Variants in BRAF observed in about 807,000 individuals in gnomAD.
The protein encoded by BRAF is B-Raf proto-oncogene, serine/threonine kinase.
A neutral mutation model predicts 104.6 loss-of-function variants in BRAF; 16 were observed. The ratio of observed to expected loss-of-function variants is 0.15; its 90% CI spans 0.10 to 0.23. The LOEUF is 0.23. Among genes scored for constraint, BRAF ranks in the 10% least tolerant of loss-of-function variants. BRAF has a pLI of 1.00. For synonymous variants in BRAF, 310 were observed against 341.6 expected (o/e 0.91, Z 1.02); for missense variants, 541 against 937.3 (o/e 0.58, Z 5.52).
chr7:140,871,836 G>A (rs1290981165), intron 1 of BRAF, among the ~76,000 whole-genome samples: 2 of 152,120 alleles, frequency 1.3e-5, no homozygotes, highest in East Asian at 1.9e-4. Context: ...TGCAGCTACT[G>A]GCTAATATAC....
In BRAF at chr7:140,749,199, G is replaced by A. The variant is rs555735938; in HGVS notation, c.2112+88C>T. On this transcript the variant is annotated intron_variant, in intron 17 of 19. Coordinates refer to ENST00000644969, the MANE Select transcript of BRAF (RefSeq NM_001374258.1). ...AAAAATCAAGAAATCTATCCTTCAC[G>A]CTTACCCAGGAGTTAACACTTATTT... The A allele has an allele frequency of 3.5e-5, 54 of 1,558,000 alleles. 1 individual carries two copies. In the East Asian group the frequency reaches 1.0e-3, roughly 29 times the overall value.
intron 17 of BRAF, 198 bp downstream of exon 16, chr7:140,749,089 A>G: frequency 3.4e-6 from 2 of 580,360 alleles, no homozygotes; most frequent in South Asian, 2.1e-5. Context: ...CCATTGTAAC[A>G]TTCATGACTG....
At chr7:140,846,143 C>T (rs932431924) in intron 2 of BRAF, among the ~76,000 whole-genome samples, 4 of 152,158 alleles carry the variant, frequency 2.6e-5, no homozygotes, top group Admixed American at 2.6e-4. Flanking sequence ...TGTGATCCTG[C>T]AATTCTACTC....
chr7:140,729,983 T>C (rs1178348541), intron 19 of BRAF, among the ~76,000 whole-genome samples: 3 of 152,170 alleles, frequency 2.0e-5, no homozygotes, highest in Non-Finnish European at 4.4e-5. Context: ...GCAGTCCTTT[T>C]TATAGTCATA....
intron 10 of BRAF, chr7:140,783,397 T>C (rs1198324145): frequency 2.5e-5 from 10 of 397,452 alleles, no homozygotes; most frequent in Non-Finnish European, 4.5e-5. Flanking sequence ...CATAGACACA[T>C]ACTTTATTTA....
intron 1 of BRAF, among the ~76,000 whole-genome samples, chr7:140,873,256 T>C (rs1228928125): frequency 6.7e-6 from 1 of 148,220 alleles, no homozygotes; most frequent in Admixed American, 6.9e-5. Context: ...CTGCAACCTC[T>C]GCCTCCCAGA....
chr7:140,781,108 T>C (rs989346192), intron 12 of BRAF: 7 of 164,946 alleles, frequency 4.2e-5, no homozygotes, highest in African/African-American at 1.4e-4. Flanking sequence ...AATTTTTGTA[T>C]TTTTAGTAGA....
At chr7:140,894,524 G>A (rs1814656032) in intron 1 of BRAF, among the ~76,000 whole-genome samples, 1 of 152,078 alleles carries the variant, frequency 6.6e-6, no homozygotes, top group African/African-American at 2.4e-5. Context: ...GGAGGTATAA[G>A]TGTACTGATT....
intron 8 of BRAF, among the ~76,000 whole-genome samples, chr7:140,793,133 G>C (rs756682471): frequency 9.9e-5 from 15 of 152,166 alleles, no homozygotes; most frequent in Non-Finnish European, 2.1e-4. Context: ...GAAAAGGCAA[G>C]ATACAAAGAT....
Position 140,724,969 on chromosome 7 carries a change from G to C in BRAF, c.*1525C>G, listed in dbSNP as rs1212779749. On this transcript the variant is annotated 3_prime_UTR_variant, in exon 20 of 20. Transcript: ENST00000644969. The stretch of plus-strand genomic sequence containing the variant: ...TCCATTTGTGCAAAGATAAGATTTA[G>C]GTTCTTAATGAATGCCAGTTCTTTC... The C allele has an allele frequency of 1.9e-6, 2 of 1,043,688 alleles. No individual in the cohort carries two copies. The highest frequency in any genetic ancestry group is 1.7e-5 in the African/African-American group (1 of 59,870). 64.7% of individuals were successfully genotyped at this position (1,043,688 alleles called of 1,614,324 possible).
chr7:140,779,346 C>A (rs1190200611), intron 12 of BRAF, among the ~76,000 whole-genome samples: 2 of 152,152 alleles, frequency 1.3e-5, no homozygotes, highest in Non-Finnish European at 2.9e-5. Context: ...AAGCCATTCT[C>A]CCACCTCAGC....
chr7:140,741,578 T>A (rs1280447332), intron 17 of BRAF: 12 of 152,206 alleles, frequency 7.9e-5, no homozygotes, highest in African/African-American at 2.9e-4. Context: ...TTAATCTTTT[T>A]GTGATATGTA....
intron 5 of BRAF, among the ~76,000 whole-genome samples, chr7:140,806,572 C>T (rs1304243159): frequency 6.6e-6 from 1 of 152,158 alleles, no homozygotes; most frequent in African/African-American, 2.4e-5. Flanking sequence ...CACTTAGCAA[C>T]TTAGGTCTTT....
At chr7:140,731,875 GA>G (rs1243119585) in intron 19 of BRAF, 22 of 151,970 alleles carry the variant, frequency 1.4e-4, no homozygotes, top group African/African-American at 4.8e-4. Flanking sequence ...ACTGAAGAAG[GA>G]AATCAACTTT....
intron 17 of BRAF, among the ~76,000 whole-genome samples, chr7:140,742,411 C>A (rs1249638505): frequency 6.6e-6 from 1 of 152,044 alleles, no homozygotes. Flanking sequence ...CCAGGCTGGT[C>A]TCGAACTCCA....
Position 140,723,291 on chromosome 7 carries a change from T to A in BRAF, c.*3203A>T. The A allele has an allele frequency of 9.5e-7, 1 of 1,056,402 alleles. No individual in the cohort carries two copies. The highest frequency in any genetic ancestry group is 1.1e-6 in the Non-Finnish European group (1 of 873,720). 65.4% of individuals were successfully genotyped at this position (1,056,402 alleles called of 1,614,324 possible). ...CACCAAACCAGAAGCTAGGAAATATTTACAAAGTTTCAGGTTGACAGTGCT... is the reference window on the plus strand; with the variant it reads ...CACCAAACCAGAAGCTAGGAAATATATACAAAGTTTCAGGTTGACAGTGCT... On this transcript the variant is annotated 3_prime_UTR_variant, in exon 20 of 20. Coordinates refer to ENST00000644969, the MANE Select transcript of BRAF (RefSeq NM_001374258.1).
At chr7:140,783,424 G>T (rs999738445) in intron 10 of BRAF, 117 of 335,824 alleles carry the variant, frequency 3.5e-4, no homozygotes, top group Non-Finnish European at 3.7e-4. Context: ...CAAAATCTAG[G>T]AGAAAAACAA....
At chr7:140,738,013 C>T (rs1157976845) in intron 18 of BRAF, among the ~76,000 whole-genome samples, 1 of 152,124 alleles carries the variant, frequency 6.6e-6, no homozygotes, top group African/African-American at 2.4e-5. Context: ...TAAGTAAGAA[C>T]CCGAGCACCA....
In BRAF at chr7:140,720,953, G is replaced by T; in HGVS notation, c.*5541C>A. On this transcript the variant is annotated 3_prime_UTR_variant, in exon 20 of 20. Coordinates refer to ENST00000644969, the MANE Select transcript of BRAF (RefSeq NM_001374258.1). ...GCTGTACATGAGAACCAGCGGTCAC[G>T]GTGCTGGAGAATGAACTCGGCTGGC... 1 of 1,065,120 alleles carries T rather than the reference G, an allele frequency of 9.4e-7. No individual in the cohort carries two copies. The highest frequency in any genetic ancestry group is 1.1e-6 in the Non-Finnish European group (1 of 879,224). The allele number at this position is 1,065,120 out of a possible 1,614,324, so 66.0% of individuals were successfully genotyped here.
Sources: allele counts gnomAD v4.1 joint callset (sites outside exome capture counted in the v4.1 genomes callset), GRCh38; gene constraint gnomAD v4.1.1; transcripts MANE v1.5; gene names NCBI Gene and HGNC (gene_info 2026-07-23, HGNC 2026-07-21).